Variants in SNPH observed in about 807,000 individuals in gnomAD.
SNPH encodes syntaphilin.
A neutral mutation model predicts 36.8 loss-of-function variants in SNPH; 10 were observed. The ratio of observed to expected loss-of-function variants is 0.27; its 90% CI spans 0.17 to 0.46. SNPH has a LOEUF of 0.46. Among genes scored for constraint, SNPH ranks in the 20% least tolerant of loss-of-function variants. The pLI is 1.00. For missense variants in SNPH, 622 were observed against 744.0 expected, an observed-to-expected ratio of 0.84 and a Z score of 1.91; for synonymous variants, 281 against 312.2, an observed-to-expected ratio of 0.90 and a Z score of 1.05.
Position 1,305,883 on chromosome 20 carries a change from C to A in SNPH, c.1446C>A (p.Pro482=). The A allele has an allele frequency of 6.3e-7, 1 of 1,597,612 alleles. No homozygotes were observed. The highest frequency in any genetic ancestry group is 8.5e-7 in the Non-Finnish European group (1 of 1,172,670). Residue 482 remains proline, a synonymous_variant, in exon 7 of 7, where the codon CCC becomes CCA. Coordinates refer to ENST00000381867, the MANE Select transcript of SNPH (RefSeq NM_001318234.2). ...TGGCTGTGGTGGTGCCGGCCGTGCC[C>A]ACGGTGGCCTGGCTTTGCCGCTCCC... ...DLLAVVVPAV[P]TVAWLCRSQR...
Position 1,289,212 on chromosome 20 carries a change from A to T in SNPH, c.-492-5739A>T, listed in dbSNP as rs193000915. Among the ~76,000 whole-genome samples, 6 of 152,278 alleles carry T rather than the reference A, an allele frequency of 3.9e-5. No homozygotes were observed. In the East Asian group the frequency reaches 1.2e-3, roughly 30 times the overall value. On this transcript the variant is annotated intron_variant, in intron 2 of 6. Coordinates refer to ENST00000381867, the MANE Select transcript of SNPH (RefSeq NM_001318234.2). ...TGACTCTTGTAACCTCTGAGGCTTC[A>T]GGTTTCCCATAGATCAGATGGACTA... is the stretch of plus-strand genomic sequence containing the variant.
intron 2 of SNPH, among the ~76,000 whole-genome samples, chr20:1,281,010 G>C (rs932090344): frequency 3.3e-5 from 5 of 152,276 alleles, no homozygotes; most frequent in African/African-American, 7.2e-5. Flanking sequence ...GGAGTGGGGG[G>C]TGTGTTTGTA....
At position 1,294,396 on chromosome 20, in the gene SNPH, T is replaced by C. The variant is rs993310387; in HGVS notation, c.-492-555T>C. On this transcript the variant is annotated intron_variant, in intron 2 of 6. Coordinates refer to ENST00000381867, the MANE Select transcript of SNPH (RefSeq NM_001318234.2). This position sits in a 1 kb window ranked among gnomAD's most constrained non-coding sequence, Gnocchi z 4.4. Reference sequence around the variant, plus strand: ...GGAGGCAGTGAGCCATTTATGGCCATCCTCACAAGCATGGAGGAGCACTGA... The same window carrying C: ...GGAGGCAGTGAGCCATTTATGGCCACCCTCACAAGCATGGAGGAGCACTGA... Among the ~76,000 whole-genome samples the C allele has an allele frequency of 2.0e-5, 3 of 152,158 alleles. No homozygotes were observed. Among genetic ancestry groups the C allele is most frequent in the Non-Finnish European group, 4.4e-5 (3 of 68,012 alleles).
chr20:1,287,132 G>A (rs1333071377), intron 2 of SNPH, among the ~76,000 whole-genome samples: 2 of 151,980 alleles, frequency 1.3e-5, no homozygotes, highest in Non-Finnish European at 2.9e-5. Flanking sequence ...TTTTCTTCCT[G>A]CCCTCCCATA....
Position 1,306,313 on chromosome 20 carries a change from A to AG in SNPH, c.*260dup, listed in dbSNP as rs2088578861. ...TGGACAAATTGCAGGGAGGGGAGGG[A>AG]GCGAGGGCCAACCCGGCCCCTCTGT... On this transcript the variant is annotated 3_prime_UTR_variant, in exon 7 of 7. Coordinates refer to ENST00000381867, the MANE Select transcript of SNPH (RefSeq NM_001318234.2). 1.5e-5 allele frequency: 6 copies of AG among 394,094 alleles called. No individual in the cohort carries two copies. The East Asian group carries it at 2.4e-4, about 16-fold the overall frequency. The allele number at this position is 394,094 out of a possible 1,614,324, so 24.4% of individuals were successfully genotyped here.
Position 1,304,926 on chromosome 20 carries a change from G to A in SNPH, c.489G>A (p.Glu163=), listed in dbSNP as rs780548052. Reference sequence around the variant, plus strand: ...AGACGCAGCTGTCACGCATGCAGGAGGACTGGATTGAGGAGGAGTGCCACC... The same window carrying A: ...AGACGCAGCTGTCACGCATGCAGGAAGACTGGATTGAGGAGGAGTGCCACC... ...DLKTQLSRMQ[E]DWIEEECHRV... The change falls in exon 7 of 7, where the codon GAG becomes GAA. Residue 163 remains glutamate, a synonymous_variant. Transcript: ENST00000381867. This position sits in a 1 kb window ranked among gnomAD's most constrained non-coding sequence, Gnocchi z 4.3. 6.2e-7 allele frequency: 1 copy of A among 1,613,656 alleles called. No homozygotes were observed. Among genetic ancestry groups the A allele is most frequent in the Non-Finnish European group, 8.5e-7 (1 of 1,180,024 alleles).
At chr20:1,280,665 G>A (rs991045089) in intron 2 of SNPH, among the ~76,000 whole-genome samples, 2 of 152,262 alleles carry the variant, frequency 1.3e-5, no homozygotes, top group South Asian at 2.1e-4. Flanking sequence ...CCCAAGTACC[G>A]TGGTCTCCAT....
intron 2 of SNPH, among the ~76,000 whole-genome samples, chr20:1,267,252 G>C (rs564077481): frequency 6.6e-6 from 1 of 151,530 alleles, no homozygotes; most frequent in African/African-American, 2.4e-5. Flanking sequence ...ATAAGTCCTA[G>C]AGTGGACGAT....
chr20:1,297,280 G>T, intron 5 of SNPH, 28 bp downstream of exon 5: 1 of 1,600,106 alleles, frequency 6.2e-7, no homozygotes, highest in Non-Finnish European at 8.5e-7. Context: ...TCTGGGCCTG[G>T]CCCTGCTGGC....
chr20:1,278,467 C>T lies in SNPH; in HGVS notation c.-493+11707C>T, dbSNP rs530713808. Among the ~76,000 whole-genome samples, 4 of 152,284 alleles carry T rather than the reference C, an allele frequency of 2.6e-5. No homozygotes were observed. In the South Asian group the frequency reaches 8.3e-4, roughly 32 times the overall value. On this transcript the variant is annotated intron_variant, in intron 2 of 6. Transcript: ENST00000381867. ...TATTTCTATACTGATGAAACCATCACCACAATTAGGATAGTGAACATCTCC... is the reference window on the plus strand; with the variant it reads ...TATTTCTATACTGATGAAACCATCATCACAATTAGGATAGTGAACATCTCC...
chr20:1,279,211 A>C (rs1037243321), intron 2 of SNPH, among the ~76,000 whole-genome samples: 1 of 152,184 alleles, frequency 6.6e-6, no homozygotes, highest in Admixed American at 6.5e-5. Flanking sequence ...GTTCCTCTAC[A>C]TCCTCATCAG....
At chr20:1,281,239 C>T (rs1272774566) in intron 2 of SNPH, among the ~76,000 whole-genome samples, 2 of 152,148 alleles carry the variant, frequency 1.3e-5, no homozygotes, top group Admixed American at 6.5e-5. Context: ...CTGTCACCTC[C>T]TCACCTCCAC....
rs2122478389 is a variant in SNPH, at chr20:1,307,700, AG to A, written c.*1651del. 1 of 152,636 alleles carries A rather than the reference AG, an allele frequency of 6.6e-6. No individual in the cohort carries two copies. The highest frequency in any genetic ancestry group is 1.9e-4 in the East Asian group (1 of 5,172). The allele number at this position is 152,636 out of a possible 1,614,324, so 9.5% of individuals were successfully genotyped here. The stretch of plus-strand genomic sequence containing the variant: ...AGGCGGGGCACCTGCATGCACTGGG[AG>A]GGGGCGGCTGGCCCAGCCCTCGGGG... On this transcript the variant is annotated 3_prime_UTR_variant, in exon 7 of 7. Transcript: ENST00000381867.
rs1377995189 is a variant in SNPH at position 1,307,379 on chromosome 20, T to C, written c.*1325T>C. ...GGCCTGGGAAGTTCACTGCCCCAAC[T>C]CTTTTCCCGGGACCATACTGAGTCC... is the stretch of plus-strand genomic sequence containing the variant. On this transcript the variant is annotated 3_prime_UTR_variant, in exon 7 of 7. Transcript: ENST00000381867. 2 of 152,176 alleles carry C rather than the reference T, an allele frequency of 1.3e-5. No homozygotes were observed. Among genetic ancestry groups the C allele is most frequent in the African/African-American group, 2.4e-5 (1 of 41,426 alleles). 9.4% of individuals were successfully genotyped at this position (152,176 alleles called of 1,614,324 possible).
At chr20:1,270,442 A>T (rs1208746502) in intron 2 of SNPH, among the ~76,000 whole-genome samples, 1 of 152,148 alleles carries the variant, frequency 6.6e-6, no homozygotes, top group Non-Finnish European at 1.5e-5. Flanking sequence ...TGCCATTGTC[A>T]TCTCTATTTT....
At chr20:1,295,387 C>T (rs555296932) in intron 3 of SNPH, among the ~76,000 whole-genome samples, 2 of 152,322 alleles carry the variant, frequency 1.3e-5, no homozygotes, top group African/African-American at 4.8e-5. Context: ...AGTCTACCTG[C>T]CCACTTAGCA....
At chr20:1,292,279 G>A (rs2088371866) in intron 2 of SNPH, among the ~76,000 whole-genome samples, 1 of 152,218 alleles carries the variant, frequency 6.6e-6, no homozygotes, top group Admixed American at 6.5e-5. Flanking sequence ...GGACAGGCAG[G>A]GAAGATGCTG....
At chr20:1,279,637 T>TTTTTTTTTTG (rs2088192785) in intron 2 of SNPH, among the ~76,000 whole-genome samples, 1 of 150,332 alleles carries the variant, frequency 6.7e-6, no homozygotes. Flanking sequence ...TTTTTTTTTT[T>TTTTTTTTTTG]GAGACAGGGT....
intron 2 of SNPH, among the ~76,000 whole-genome samples, chr20:1,279,709 C>T (rs1322409951): frequency 1.3e-4 from 19 of 150,586 alleles, no homozygotes; most frequent in Admixed American, 1.3e-3. Flanking sequence ...CTCACTGCAA[C>T]CTCCACCTCC....
Sources: allele counts gnomAD v4.1 joint callset (sites outside exome capture counted in the v4.1 genomes callset), GRCh38; gene constraint gnomAD v4.1.1; non-coding constraint Gnocchi (gnomAD v3.1); transcripts MANE v1.5; gene names NCBI Gene and HGNC (gene_info 2026-07-23, HGNC 2026-07-21).